AZI2: variants seen among roughly 807,000 people sequenced by gnomAD.
AZI2 encodes 5-azacytidine-induced protein 2.
Under a neutral mutation model 45.8 loss-of-function variants are expected in AZI2, and 22 were observed. The observed-to-expected ratio is 0.48, with a 90% confidence interval of 0.34 to 0.69. AZI2 has a LOEUF of 0.69. AZI2 is among the 30% of genes least tolerant of loss of function. The probability of loss-of-function intolerance (pLI) is 0.01; values close to 1 mark genes in which losing one functional copy is unlikely to be tolerated. For synonymous variants in AZI2, 137 were observed against 156.7 expected (o/e 0.87, Z 0.94); for missense variants, 417 against 441.5 (o/e 0.94, Z 0.50).
intron 6 of AZI2, among the ~76,000 whole-genome samples, chr3:28,328,865 A>C (rs749113643): frequency 6.6e-6 from 1 of 151,280 alleles, no homozygotes; most frequent in Non-Finnish European, 1.5e-5. Context: ...ACTTGAACAA[A>C]ATGTTTAAAC....
At chr3:28,345,229 C>G (rs1704177364) in intron 1 of AZI2, among the ~76,000 whole-genome samples, 1 of 152,178 alleles carries the variant, frequency 6.6e-6, no homozygotes, top group Non-Finnish European at 1.5e-5. Context: ...AACCACTCAT[C>G]AGAAAGAACA....
chr3:28,348,809 G>T lies in AZI2; in HGVS notation c.-214C>A, dbSNP rs991897290. 1 of 287,166 alleles carries T rather than the reference G, an allele frequency of 3.5e-6. No individual in the cohort carries two copies. The highest frequency in any genetic ancestry group is 5.2e-6 in the Non-Finnish European group (1 of 191,324). The allele number at this position is 287,166 out of a possible 1,614,324, so 17.8% of individuals were successfully genotyped here. On this transcript the variant is annotated 5_prime_UTR_variant, in exon 1 of 8. Transcript: ENST00000479665. ...TTCTTCTGACTCGGCAGGAGCCCGG[G>T]ACGTTCTGGAAGGAGGGACGAGCCG...
At chr3:28,346,446 TA>T (rs569028968) in intron 1 of AZI2, among the ~76,000 whole-genome samples, 289 of 152,198 alleles carry the variant, frequency 1.9e-3, no homozygotes, top group African/African-American at 6.5e-3. Context: ...GTACACACAT[TA>T]TCTCAAGTCC....
chr3:28,340,010 A>G lies in AZI2; in HGVS notation c.216+392T>C, dbSNP rs983818505. Among the ~76,000 whole-genome samples, 8 of 152,134 alleles carry G rather than the reference A, an allele frequency of 5.3e-5. No homozygotes were observed. In the East Asian group the frequency reaches 1.3e-3, roughly 26 times the overall value. ...TTGAAGTAAAGATTTCAGCCTTGGT[A>G]AAGATATTATTAAACCTATTGGACA... On this transcript the variant is annotated intron_variant, in intron 2 of 7. Transcript: ENST00000479665.
rs768918380 is a variant in AZI2 at position 28,336,816 on chromosome 3, T to A, written c.509A>T (p.His170Leu). The A allele has an allele frequency of 6.2e-7, 1 of 1,613,464 alleles. No individual in the cohort carries two copies. Among genetic ancestry groups the A allele is most frequent in the Non-Finnish European group, 8.5e-7 (1 of 1,179,634 alleles). Residue 170 changes from histidine (H) to leucine (L), a missense_variant, in exon 5 of 8, where the codon CAT (histidine) becomes CTT (leucine). His to Leu is a moderately conservative substitution (Grantham distance 99). Coordinates refer to ENST00000479665, the MANE Select transcript of AZI2 (RefSeq NM_022461.5). ...VEKLSCDLKIHGLEQELELMR... is the reference protein window; with the variant it reads ...VEKLSCDLKILGLEQELELMR... ...CAGTTCCAGCTCTTGTTCCAAACCA[T>A]GGATCTTCAGGTCACAGCTCAACTT...
intron 7 of AZI2, 147 bp downstream of exon 7, chr3:28,326,685 A>C: frequency 1.3e-6 from 1 of 744,802 alleles, no homozygotes; most frequent in Non-Finnish European, 2.5e-6. Context: ...ACTGAAGCCA[A>C]AGCAGAGAAT....
At chr3:28,337,235 G>C (rs1274544453) in intron 4 of AZI2, 1 of 178,734 alleles carries the variant, frequency 5.6e-6, no homozygotes, top group Non-Finnish European at 1.2e-5. Context: ...CCTCTCAGAG[G>C]TATGAAGTTT....
chr3:28,334,815 TTACTC>T (rs1355360738), intron 5 of AZI2, among the ~76,000 whole-genome samples: 2 of 152,000 alleles, frequency 1.3e-5, no homozygotes, highest in African/African-American at 2.4e-5. Context: ...CCCTTCTGGA[TTACTC>T]TAATCAAATT....
At chr3:28,336,015 CTTCT>C (rs1019091020) in intron 5 of AZI2, among the ~76,000 whole-genome samples, 4 of 152,024 alleles carry the variant, frequency 2.6e-5, no homozygotes, top group South Asian at 2.1e-4. Context: ...CACTACCTTG[CTTCT>C]TTATCATTTC....
chr3:28,338,584 G>A lies in AZI2; in HGVS notation c.248C>T (p.Ser83Phe), dbSNP rs200830891. 5 of 1,610,064 alleles carry A rather than the reference G, an allele frequency of 3.1e-6. No homozygotes were observed. In the East Asian group the frequency reaches 8.9e-5, roughly 29 times the overall value. Residue 83 changes from serine to phenylalanine, a missense_variant, in exon 3 of 8, where the codon TCC (serine) becomes TTC (phenylalanine). By Grantham distance (155) the Ser-to-Phe change is radical. Coordinates refer to ENST00000479665, the MANE Select transcript of AZI2 (RefSeq NM_022461.5). The stretch of plus-strand genomic sequence containing the variant: ...CTTATTTACTTGTTCTCGTCCCACG[G>A]AACTTGTTTCTTCTTCAAATCGAGC... The part of the protein sequence containing the change: ...LIARFEEETS[S>F]VGREQVNKAY...
Position 28,326,834 on chromosome 3 carries a change from T to C in AZI2, c.764A>G (p.Lys255Arg). 6.2e-7 allele frequency: 1 copy of C among 1,603,712 alleles called. No homozygotes were observed. Among genetic ancestry groups the C allele is most frequent in the Non-Finnish European group, 8.5e-7 (1 of 1,171,478 alleles). The change falls in exon 7 of 8, where the codon AAA (lysine) becomes AGA (arginine). Residue 255 changes from lysine to arginine, a missense_variant and splice_region_variant. Physicochemically the swap from Lys to Arg is conservative, Grantham distance 26. Transcript: ENST00000479665. ...RKLKTSTAIKKACAPVGCSED... is the reference protein window; with the variant it reads ...RKLKTSTAIKRACAPVGCSED... ...GTTTCCGGTAAACAGTGACTTGCCT[T>C]TCTTGATTGCAGTTGAGGTTTTCAG... is the stretch of plus-strand genomic sequence containing the variant.
At chr3:28,329,435 C>T (rs998434160) in intron 6 of AZI2, among the ~76,000 whole-genome samples, 1 of 151,162 alleles carries the variant, frequency 6.6e-6, no homozygotes, top group South Asian at 2.1e-4. Context: ...AAGTTTTATA[C>T]TTCTCAGTAT....
chr3:28,322,879 T>C lies in AZI2; in HGVS notation c.*1163A>G, dbSNP rs1352584024. On this transcript the variant is annotated 3_prime_UTR_variant, in exon 8 of 8. Coordinates refer to ENST00000479665, the MANE Select transcript of AZI2 (RefSeq NM_022461.5). Reference sequence around the variant, plus strand: ...ATATGAAACTGTCTATCAAAAAGGATAAAAGTCCTCCTACATGAAATACTT... The same window carrying C: ...ATATGAAACTGTCTATCAAAAAGGACAAAAGTCCTCCTACATGAAATACTT... 2 of 151,166 alleles carry C rather than the reference T, an allele frequency of 1.3e-5. No individual in the cohort carries two copies. Among genetic ancestry groups the C allele is most frequent in the Non-Finnish European group, 3.0e-5 (2 of 67,384 alleles). 9.4% of individuals were successfully genotyped at this position (151,166 alleles called of 1,614,324 possible).
In AZI2 at chr3:28,332,361, G is replaced by A. The variant is rs772334782; in HGVS notation, c.647+8C>T. The A allele has an allele frequency of 6.3e-7, 1 of 1,597,706 alleles. No homozygotes were observed. Among genetic ancestry groups the A allele is most frequent in the East Asian group, 2.2e-5 (1 of 44,614 alleles). Reference sequence around the variant, plus strand: ...ACGTATTGTCTTAATGCTGAAGAGTGGTCATACCTTGAAATGCTTAGTTTT... The same window carrying A: ...ACGTATTGTCTTAATGCTGAAGAGTAGTCATACCTTGAAATGCTTAGTTTT... On this transcript the variant is annotated splice_region_variant and intron_variant, in intron 6 of 7. Coordinates refer to ENST00000479665, the MANE Select transcript of AZI2 (RefSeq NM_022461.5).
chr3:28,333,505 TA>T (rs958785525), intron 5 of AZI2, among the ~76,000 whole-genome samples: 2 of 149,642 alleles, frequency 1.3e-5, no homozygotes, highest in African/African-American at 5.0e-5. Context: ...TATCATGAAT[TA>T]AAATTTTTTT....
At chr3:28,344,110 C>CAAATTG in intron 1 of AZI2, among the ~76,000 whole-genome samples, 1 of 151,974 alleles carries the variant, frequency 6.6e-6, no homozygotes, top group Middle Eastern at 3.4e-3. Context: ...GCTTATCTGT[C>CAAATTG]CTAAAAGTTA....
chr3:28,333,526 T>C (rs956474582), intron 5 of AZI2, among the ~76,000 whole-genome samples: 1 of 138,522 alleles, frequency 7.2e-6, no homozygotes, highest in Non-Finnish European at 1.5e-5. Context: ...TTTTAAAAAT[T>C]AGTATATACT....
chr3:28,338,590 G>C lies in AZI2; in HGVS notation c.242C>G (p.Thr81Arg). 6.2e-7 allele frequency: 1 copy of C among 1,610,156 alleles called. No homozygotes were observed. The highest frequency in any genetic ancestry group is 8.5e-7 in the Non-Finnish European group (1 of 1,178,054). ...EKLIARFEEETSSVGREQVNK... is the reference protein window; with the variant it reads ...EKLIARFEEERSSVGREQVNK... ...TACTTGTTCTCGTCCCACGGAACTT[G>C]TTTCTTCTTCAAATCGAGCTATTAG... The change falls in exon 3 of 8, where the codon ACA becomes AGA. Residue 81 changes from threonine to arginine, a missense_variant. Thr to Arg is a moderately conservative substitution (Grantham distance 71). Coordinates refer to ENST00000479665, the MANE Select transcript of AZI2 (RefSeq NM_022461.5).
chr3:28,346,946 C>A (rs1559465850), intron 1 of AZI2, among the ~76,000 whole-genome samples: 1 of 152,160 alleles, frequency 6.6e-6, no homozygotes, highest in African/African-American at 2.4e-5. Context: ...TTTTATGACT[C>A]TTGAGTTATC....
Sources: gnomAD v4.1 joint callset for allele counts (sites outside exome capture counted in the v4.1 genomes callset) on GRCh38, gnomAD v4.1.1 for gene constraint, MANE v1.5 for transcripts, NCBI Gene and HGNC (gene_info 2026-07-23, HGNC 2026-07-21) for gene names.